Variants in PRR12 observed in about 807,000 individuals in gnomAD.
The protein encoded by PRR12 is proline rich 12.
In PRR12, 12 loss-of-function variants were observed where a neutral mutation model predicts 138.0. The observed-to-expected ratio is 0.09, with a 90% CI of 0.06 to 0.14. PRR12 has a LOEUF of 0.14. Ranked by LOEUF, PRR12 falls within the 10% of genes least tolerant of loss-of-function variation. The pLI, the probability that PRR12 is intolerant of heterozygous loss-of-function variation, is 1.00. For missense variants in PRR12, 2,692 were observed against 2,861.3 expected (o/e 0.94, Z 1.35); for synonymous variants, 1,567 against 1,291.7 (o/e 1.21, Z -4.57).
At chr19:49,610,189 G>A (rs1020266339) in intron 6 of PRR12, among the ~76,000 whole-genome samples, 3 of 151,954 alleles carry the variant, frequency 2.0e-5, no homozygotes, top group African/African-American at 7.3e-5. Flanking sequence ...CGGCCAGGCT[G>A]GTCTCGAACT....
intron 11 of PRR12, among the ~76,000 whole-genome samples, chr19:49,624,264 A>G (rs1318491911): frequency 1.4e-5 from 2 of 145,880 alleles, no homozygotes; most frequent in Admixed American, 6.8e-5. Context: ...ATTCAGGGAT[A>G]GGTGGTTAGG....
chr19:49,600,100 G>A (rs2080801831), intron 5 of PRR12, among the ~76,000 whole-genome samples, 162 bp downstream of exon 5: 1 of 152,232 alleles, frequency 6.6e-6, no homozygotes, highest in African/African-American at 2.4e-5. Context: ...AGCATTTTGA[G>A]GAAGGTCTAT....
intron 10 of PRR12, among the ~76,000 whole-genome samples, chr19:49,620,946 ACTGGGGC>A (rs1440770349): frequency 9.9e-6 from 1 of 100,662 alleles, no homozygotes; most frequent in Admixed American, 1.1e-4. Flanking sequence ...GGAAGGAGGG[ACTGGGGC>A]CTGGACTCCT....
At chr19:49,615,522 G>A (rs2080887305) in intron 8 of PRR12, among the ~76,000 whole-genome samples, 1 of 141,254 alleles carries the variant, frequency 7.1e-6, no homozygotes, top group South Asian at 2.5e-4. Context: ...GAGGGGGTCA[G>A]AGACCCAGAG....
At chr19:49,591,815 G>T (rs1354998256) in intron 1 of PRR12, 75 bp downstream of exon 1, 3 of 914,996 alleles carry the variant, frequency 3.3e-6, no homozygotes, top group Non-Finnish European at 4.4e-6. Flanking sequence ...GGCCGGGCCG[G>T]GCCCGCCCGG....
intron 6 of PRR12, among the ~76,000 whole-genome samples, chr19:49,606,315 CTT>C (rs112170187): frequency 4.8e-4 from 68 of 141,320 alleles, no homozygotes; most frequent in African/African-American, 5.8e-4. Context: ...TTTTTTTCTT[CTT>C]TTTTTTTTTT....
intron 5 of PRR12, 56 bp from the exon 6 acceptor site, chr19:49,601,435 G>A: frequency 3.1e-6 from 3 of 975,492 alleles, no homozygotes; most frequent in Non-Finnish European, 4.6e-6. Context: ...AGGACAAGAG[G>A]AAAGGTGCCA....
intron 6 of PRR12, among the ~76,000 whole-genome samples, chr19:49,607,827 TG>T (rs1261195374): frequency 2.0e-5 from 3 of 152,090 alleles, no homozygotes; most frequent in Non-Finnish European, 4.4e-5. Flanking sequence ...AAGACCAGCC[TG>T]GTCAACATAG....
chr19:49,596,991 G>T lies in PRR12; in HGVS notation c.2656G>T (p.Ala886Ser), dbSNP rs866536871. Residue 886 changes from alanine (A) to serine (S), a missense_variant, in exon 4 of 14, where the codon GCT becomes TCT. Physicochemically the swap from Ala to Ser is moderately conservative, Grantham distance 99. Coordinates refer to ENST00000418929, the MANE Select transcript of PRR12 (RefSeq NM_020719.3). The surrounding 1 kb of genome is among the most constrained non-coding windows in gnomAD (Gnocchi z 5.6). ...PPGAMQELLG[A>S]LEPLPPAPGD... ...AGGCGCCATGCAGGAATTGCTCGGG[G>T]CTCTGGAGCCGCTGCCCCCGGCGCC... 1 of 1,558,260 alleles carries T rather than the reference G, an allele frequency of 6.4e-7. No homozygotes were observed. The highest frequency in any genetic ancestry group is 1.7e-4 in the Middle Eastern group (1 of 5,840).
In PRR12 at chr19:49,601,573, G is replaced by T; in HGVS notation, c.4428G>T (p.Pro1476=). 8.4e-7 allele frequency: 1 copy of T among 1,188,578 alleles called. No individual in the cohort carries two copies. The highest frequency in any genetic ancestry group is 1.1e-6 in the Non-Finnish European group (1 of 920,972). The allele number at this position is 1,188,578 out of a possible 1,614,324, so 73.6% of individuals were successfully genotyped here. A position where few individuals can be genotyped will look rare whatever the true frequency, so the allele number is the denominator to read the frequency against. ...TPQPQPPPPP[P]PPQPALPSPP... is the part of the protein sequence containing the mutation. ...AGCCTCAGCCTCCGCCACCCCCTCC[G>T]CCGCCACAGCCAGCCCTGCCCTCGC... The change falls in exon 6 of 14, where the codon CCG becomes CCT. Residue 1476 remains proline (P), a synonymous_variant. Coordinates refer to ENST00000418929, the MANE Select transcript of PRR12 (RefSeq NM_020719.3).
chr19:49,625,629 G>T lies in PRR12; in HGVS notation c.*22G>T. On this transcript the variant is annotated 3_prime_UTR_variant, in exon 14 of 14. Transcript: ENST00000418929. This position sits in a 1 kb window ranked among gnomAD's most constrained non-coding sequence, Gnocchi z 5.5. ...GTGACCCCGCCCCAGCTTGTGAGGG[G>T]GGCGCCTCCTCCATGAACCGAGAAT... 6.3e-7 allele frequency: 1 copy of T among 1,580,954 alleles called. No individual in the cohort carries two copies. Among genetic ancestry groups the T allele is most frequent in the Non-Finnish European group, 8.6e-7 (1 of 1,162,778 alleles).
Position 49,599,611 on chromosome 19 carries a change from G to A in PRR12, c.4018G>A (p.Ala1340Thr). The A allele has an allele frequency of 6.2e-7, 1 of 1,602,522 alleles. No homozygotes were observed. The highest frequency in any genetic ancestry group is 1.7e-5 in the Admixed American group (1 of 58,612). Reference sequence around the variant, plus strand: ...TGTGCCACATCCCCCACCTTCCGGAGCCTTTGGGCTTGGGGGCGCCCTGGA... The same window carrying A: ...TGTGCCACATCCCCCACCTTCCGGAACCTTTGGGCTTGGGGGCGCCCTGGA... The part of the protein sequence containing the change: ...PAVPHPPPSG[A>T]FGLGGALEAA... Residue 1340 changes from alanine (A) to threonine (T), a missense_variant, in exon 5 of 14, where the codon GCC becomes ACC. Transcript: ENST00000418929. The surrounding 1 kb of genome is among the most constrained non-coding windows in gnomAD (Gnocchi z 5.0).
intron 6 of PRR12, among the ~76,000 whole-genome samples, chr19:49,610,293 T>C (rs2080859164): frequency 6.6e-6 from 1 of 152,038 alleles, no homozygotes; most frequent in East Asian, 1.9e-4. Context: ...CCTGCAGTTT[T>C]CTCATTAATA....
intron 1 of PRR12, among the ~76,000 whole-genome samples, chr19:49,592,119 A>G (rs1254573866): frequency 6.7e-6 from 1 of 148,992 alleles, no homozygotes; most frequent in East Asian, 2.1e-4. Flanking sequence ...AGGTGGGAAG[A>G]AGAGAAGAAT....
rs143136252 is a variant in PRR12 at position 49,594,381 on chromosome 19, C to T, written c.200-73C>T. Reference sequence around the variant, plus strand: ...TTTTCCTGATCCAACTTGCTTTTGGCCTCTTCCCTTTCTCTCTTGACTGTA... The same window carrying T: ...TTTTCCTGATCCAACTTGCTTTTGGTCTCTTCCCTTTCTCTCTTGACTGTA... On this transcript the variant is annotated intron_variant, in intron 2 of 13. Coordinates refer to ENST00000418929, the MANE Select transcript of PRR12 (RefSeq NM_020719.3). The surrounding 1 kb of genome is among the most constrained non-coding windows in gnomAD (Gnocchi z 5.6). 2.4e-4 allele frequency: 347 copies of T among 1,424,840 alleles called. 3 individuals are homozygous for T. In the South Asian group the frequency reaches 3.0e-3, roughly 12 times the overall value. 88.3% of individuals were successfully genotyped at this position (1,424,840 alleles called of 1,614,324 possible). A position where few individuals can be genotyped will look rare whatever the true frequency, so the allele number is the denominator to read the frequency against.
chr19:49,606,604 G>C (rs2122331067), intron 6 of PRR12, among the ~76,000 whole-genome samples: 1 of 150,532 alleles, frequency 6.6e-6, no homozygotes, highest in Non-Finnish European at 1.5e-5. Flanking sequence ...ACAGGCATGA[G>C]CCACTGTGCC....
chr19:49,619,274 A>G (rs1599802138), intron 9 of PRR12, among the ~76,000 whole-genome samples: 1 of 113,866 alleles, frequency 8.8e-6, no homozygotes, highest in Non-Finnish European at 1.6e-5. Context: ...CTCGTTGCCC[A>G]GGCTTATTGC....
intron 6 of PRR12, among the ~76,000 whole-genome samples, chr19:49,604,523 C>A (rs913214221): frequency 6.6e-6 from 1 of 151,874 alleles, no homozygotes; most frequent in Non-Finnish European, 1.5e-5. Flanking sequence ...ACTAAAAATA[C>A]AACAATTAGC....
chr19:49,625,800 C>T lies in PRR12; in HGVS notation c.*193C>T. On this transcript the variant is annotated 3_prime_UTR_variant, in exon 14 of 14. Coordinates refer to ENST00000418929, the MANE Select transcript of PRR12 (RefSeq NM_020719.3). This position sits in a 1 kb window ranked among gnomAD's most constrained non-coding sequence, Gnocchi z 5.5. Reference sequence around the variant, plus strand: ...CCCTCTCCCAAGCCCCCTCCACTCCCTCCCCATTCCTCCCACTGTTCGGTG... The same window carrying T: ...CCCTCTCCCAAGCCCCCTCCACTCCTTCCCCATTCCTCCCACTGTTCGGTG... 1.9e-6 allele frequency: 1 copy of T among 534,864 alleles called. No individual in the cohort carries two copies. The allele number at this position is 534,864 out of a possible 1,614,324, so 33.1% of individuals were successfully genotyped here.
Sources: gnomAD v4.1 joint callset for allele counts (sites outside exome capture counted in the v4.1 genomes callset) on GRCh38, gnomAD v4.1.1 for gene constraint, Gnocchi (gnomAD v3.1) non-coding constraint, MANE v1.5 for transcripts, NCBI Gene and HGNC (gene_info 2026-07-23, HGNC 2026-07-21) for gene names.